PHLDB3: variants seen among roughly 807,000 people sequenced by gnomAD.
PHLDB3 encodes pleckstrin homology-like domain family B member 3.
PHLDB3 carries 86 observed loss-of-function variants against 85.7 expected under a neutral mutation model. That is an observed-to-expected ratio of 1.00 (90% CI 0.84 to 1.20). PHLDB3 has a LOEUF of 1.20. Among genes scored for constraint, PHLDB3 ranks in the 50% most tolerant of loss-of-function variants. The pLI is 0.00. For missense variants in PHLDB3, 995 were observed against 873.0 expected (o/e 1.14, Z -1.76); for synonymous variants, 376 against 349.8 (o/e 1.07, Z -0.83).
chr19:43,488,803 A>T (rs58860419), intron 9 of PHLDB3, among the ~76,000 whole-genome samples: 12,273 of 142,342 alleles, frequency 0.086, 800 homozygotes, highest in East Asian at 0.34. Flanking sequence ...TCCATAGACC[A>T]TTTTTTTTTT....
intron 4 of PHLDB3, among the ~76,000 whole-genome samples, chr19:43,498,565 G>A (rs754065998): frequency 1.3e-5 from 2 of 152,168 alleles, no homozygotes; most frequent in Admixed American, 6.6e-5. Context: ...TATGTGATAC[G>A]GTGGATGCAG....
rs1397000635 is a variant in PHLDB3 at position 43,490,868 on chromosome 19, G to A, written c.1150-3745C>T. On this transcript the variant is annotated intron_variant, in intron 9 of 15. Transcript: ENST00000292140. ...TGCCACTTCCTGGGTGCATGACGTA[G>A]GCAAGTCATTTCTCTTCTCAAGCGA... Among the ~76,000 whole-genome samples, 43 of 152,206 alleles carry A rather than the reference G, an allele frequency of 2.8e-4. 1 individual carries two copies. The highest frequency in any genetic ancestry group is 2.9e-5 in the Non-Finnish European group (2 of 68,040).
chr19:43,478,140 G>A lies in PHLDB3; in HGVS notation c.1703-8C>T. The A allele has an allele frequency of 6.2e-7, 1 of 1,607,608 alleles. No individual in the cohort carries two copies. Among genetic ancestry groups the A allele is most frequent in the Non-Finnish European group, 8.5e-7 (1 of 1,174,258 alleles). On this transcript the variant is annotated splice_region_variant and splice_polypyrimidine_tract_variant and intron_variant, in intron 14 of 15. Coordinates refer to ENST00000292140, the MANE Select transcript of PHLDB3 (RefSeq NM_198850.4). ...GCTTGGTCTCTTCCTTGTCTGGTAGGGGAGGTAAGAGAAAAAGAGAGCCAG... is the reference window on the plus strand; with the variant it reads ...GCTTGGTCTCTTCCTTGTCTGGTAGAGGAGGTAAGAGAAAAAGAGAGCCAG...
Position 43,486,690 on chromosome 19 carries a change from C to T in PHLDB3, c.1347G>A (p.Gly449=), listed in dbSNP as rs761104392. ...TGTGGGCAATGTCTGGATGGATGGCCCCACAGCTAGGAGGAGGGAACACAG... is the reference window on the plus strand; with the variant it reads ...TGTGGGCAATGTCTGGATGGATGGCTCCACAGCTAGGAGGAGGGAACACAG... ...LLNCGRGNSC[G]AIHPDIAHME... Residue 449 remains glycine (G), a synonymous_variant, in exon 12 of 16, where the codon GGG becomes GGA. Transcript: ENST00000292140. The T allele has an allele frequency of 1.2e-6, 2 of 1,613,928 alleles. No individual in the cohort carries two copies. Among genetic ancestry groups the T allele is most frequent in the Non-Finnish European group, 1.7e-6 (2 of 1,179,864 alleles).
intron 1 of PHLDB3, 86 bp from the exon 2 acceptor site, chr19:43,504,218 C>T (rs12980205): frequency 0.18 from 225,137 of 1,221,602 alleles, 22,089 homozygotes; most frequent in Non-Finnish European, 0.19. Context: ...GCGCGGAGAC[C>T]CCCCCCCAAG....
Position 43,503,922 on chromosome 19 carries a change from TCAGTG to T in PHLDB3, c.192_196del (p.Ser64ArgfsTer78), listed in dbSNP as rs1338590539. On this transcript the variant is annotated frameshift_variant, in exon 2 of 16. Transcript: ENST00000292140. LOFTEE classifies it high-confidence loss of function. ...GCCCCTCACCGCGTCGCGGCTGCTC[TCAGTG>T]CTGCTGCCTTCTCCCACTTCTTCTT... The T allele has an allele frequency of 6.2e-7, 1 of 1,613,860 alleles. No individual in the cohort carries two copies. The highest frequency in any genetic ancestry group is 8.5e-7 in the Non-Finnish European group (1 of 1,179,788).
Position 43,475,278 on chromosome 19 carries a change from C to A in PHLDB3, c.*132G>T. On this transcript the variant is annotated 3_prime_UTR_variant, in exon 16 of 16. Transcript: ENST00000292140. ...AGCTCAGGCCAGCTGAACTGCCGCG[C>A]CTGCGGAATTCCCGGGAGAGTTCCA... 7 of 1,279,766 alleles carry A rather than the reference C, an allele frequency of 5.5e-6. No individual in the cohort carries two copies. The highest frequency in any genetic ancestry group is 1.5e-5 in the South Asian group (1 of 65,926). 79.3% of individuals were successfully genotyped at this position (1,279,766 alleles called of 1,614,324 possible).
chr19:43,490,916 T>C (rs1971298389), intron 9 of PHLDB3, among the ~76,000 whole-genome samples: 1 of 152,178 alleles, frequency 6.6e-6, no homozygotes, highest in Non-Finnish European at 1.5e-5. Context: ...GTAAAGTGGG[T>C]AACATCTCAC....
At chr19:43,477,077 T>C (rs77402741) in intron 15 of PHLDB3, among the ~76,000 whole-genome samples, 25,909 of 152,122 alleles carry the variant, frequency 0.17, 2,308 homozygotes, top group Non-Finnish European at 0.19. Context: ...AATGTTGGGA[T>C]TATAGGCATG....
chr19:43,504,134 T>A lies in PHLDB3; in HGVS notation c.-14-2A>T, dbSNP rs761928410. The A allele has an allele frequency of 1.3e-6, 2 of 1,574,510 alleles. No homozygotes were observed. The highest frequency in any genetic ancestry group is 1.1e-5 in the South Asian group (1 of 87,104). ...GCGTCCCCATGGCCGCTGGGACTCC[T>A]GCGGGGTGGGCGGGACCAGAAGCTC... On this transcript the variant is annotated splice_acceptor_variant, in intron 1 of 15. Coordinates refer to ENST00000292140, the MANE Select transcript of PHLDB3 (RefSeq NM_198850.4). LOFTEE classifies it low-confidence loss of function (5UTR_SPLICE).
Position 43,475,251 on chromosome 19 carries a change from G to A in PHLDB3, c.*159C>T. The A allele has an allele frequency of 9.6e-7, 1 of 1,037,964 alleles. No individual in the cohort carries two copies. The highest frequency in any genetic ancestry group is 1.7e-5 in the South Asian group (1 of 58,850). The allele number at this position is 1,037,964 out of a possible 1,614,324, so 64.3% of individuals were successfully genotyped here. On this transcript the variant is annotated 3_prime_UTR_variant, in exon 16 of 16. Coordinates refer to ENST00000292140, the MANE Select transcript of PHLDB3 (RefSeq NM_198850.4). Reference sequence around the variant, plus strand: ...CAAGGCACCTGCAACCCAGAACGCAGCAGCTCAGGCCAGCTGAACTGCCGC... The same window carrying A: ...CAAGGCACCTGCAACCCAGAACGCAACAGCTCAGGCCAGCTGAACTGCCGC...
At chr19:43,504,218 C>CT in intron 1 of PHLDB3, 86 bp from the exon 2 acceptor site, 1 of 1,222,888 alleles carries the variant, frequency 8.2e-7, no homozygotes, top group Non-Finnish European at 1.1e-6. Flanking sequence ...GCGCGGAGAC[C>CT]CCCCCCCAAG....
intron 2 of PHLDB3, among the ~76,000 whole-genome samples, chr19:43,502,603 C>T (rs1971638933): frequency 2.0e-5 from 3 of 150,596 alleles, no homozygotes; most frequent in Admixed American, 2.0e-4. Context: ...CGCGCACCGC[C>T]ACGCCAAGCT....
At chr19:43,494,928 A>C (rs1971408352) in intron 8 of PHLDB3, 113 bp from the exon 9 acceptor site, 1 of 748,474 alleles carries the variant, frequency 1.3e-6, no homozygotes, top group Non-Finnish European at 2.2e-6. Context: ...AGAAAGAAAA[A>C]CTAAGGAGAG....
chr19:43,486,724 G>C, intron 11 of PHLDB3, 28 bp from the exon 12 acceptor site: 1 of 1,613,356 alleles, frequency 6.2e-7, no homozygotes, highest in Non-Finnish European at 8.5e-7. Context: ...AGACGGGGTG[G>C]GTTACAGTGG....
rs761054652 is a variant in PHLDB3, at chr19:43,486,653, GGA to G, written c.1382_1383del (p.Leu461ProfsTer96). ...TCCCTCTCCGCCATGGCCTGCTGCA[GGA>G]GCCGCTCCATGTGGGCAATGTCTGG... ...IHPDIAHMER[L>X]LQQAMAERER... On this transcript the variant is annotated frameshift_variant, in exon 12 of 16. Transcript: ENST00000292140. LOFTEE classifies it high-confidence loss of function. The G allele has an allele frequency of 1.9e-6, 3 of 1,613,982 alleles. No homozygotes were observed. The highest frequency in any genetic ancestry group is 1.7e-6 in the Non-Finnish European group (2 of 1,179,872).
intron 9 of PHLDB3, among the ~76,000 whole-genome samples, chr19:43,491,945 G>GTTTTTT (rs35827061): frequency 7.7e-6 from 1 of 129,564 alleles, no homozygotes; most frequent in Non-Finnish European, 1.6e-5. Flanking sequence ...GCACCTGGCC[G>GTTTTTT]TTTTTTTTTT....
intron 13 of PHLDB3, among the ~76,000 whole-genome samples, chr19:43,480,525 C>T (rs150956582): frequency 3.3e-5 from 5 of 151,968 alleles, no homozygotes; most frequent in African/African-American, 1.2e-4. Context: ...CCCAGGAGAT[C>T]GAAATTGCAT....
rs781378775 is a variant in PHLDB3, at chr19:43,486,335, G to T, written c.1429-13C>A. ...TTCTTGTTCCTTCCTGTGGATTCAGGATGAAGCACTCAATGAGGATCCCAG... is the reference window on the plus strand; with the variant it reads ...TTCTTGTTCCTTCCTGTGGATTCAGTATGAAGCACTCAATGAGGATCCCAG... On this transcript the variant is annotated splice_polypyrimidine_tract_variant and intron_variant, in intron 12 of 15. Transcript: ENST00000292140. 1.3e-5 allele frequency: 21 copies of T among 1,601,336 alleles called. No homozygotes were observed. The South Asian group carries it at 2.1e-4, about 16-fold the overall frequency.
Sources: gnomAD v4.1 joint callset for allele counts (sites outside exome capture counted in the v4.1 genomes callset) on GRCh38, gnomAD v4.1.1 for gene constraint, MANE v1.5 for transcripts, NCBI Gene and HGNC (gene_info 2026-07-23, HGNC 2026-07-21) for gene names.